The following THSD7B variants were observed in gnomAD, a reference collection of about 807,000 sequenced individuals.
The protein encoded by THSD7B is thrombospondin type 1 domain containing 7B.
THSD7B carries 138 observed loss-of-function variants against 213.6 expected under a neutral mutation model. That is an observed-to-expected ratio of 0.65 (90% CI 0.56 to 0.74). The LOEUF is 0.74. Ranked by LOEUF, THSD7B falls within the 30% of genes least tolerant of loss-of-function variation. The pLI is 0.00. For synonymous variants in THSD7B, 742 were observed against 687.0 expected, an observed-to-expected ratio of 1.08 and a Z score of -1.25; for missense variants, 1,931 against 1,991.5, an observed-to-expected ratio of 0.97 and a Z score of 0.58.
At chr2:136,781,606 A>G (rs1011511498) in intron 1 of THSD7B, among the ~76,000 whole-genome samples, 6 of 151,780 alleles carry the variant, frequency 4.0e-5, no homozygotes, top group Non-Finnish European at 8.8e-5. Flanking sequence ...ACTTGTCTAT[A>G]TGTCCAGCTC....
intron 1 of THSD7B, among the ~76,000 whole-genome samples, chr2:136,825,293 G>C (rs1682627588): frequency 6.6e-6 from 1 of 152,046 alleles, no homozygotes; most frequent in East Asian, 1.9e-4. Flanking sequence ...TATCTTATAG[G>C]TCTGGAGATT....
rs114419492 is a variant in THSD7B, at chr2:136,927,229, C to G, written c.139+44912C>G. On this transcript the variant is annotated intron_variant, in intron 2 of 27. Coordinates refer to ENST00000409968, the MANE Select transcript of THSD7B (RefSeq NM_001316349.2). The stretch of plus-strand genomic sequence containing the variant: ...CCCACTGTTTCCTGCTTCTCTTTCT[C>G]TCCCTCCCGTTTTTCCCTTATCTCT... Among the ~76,000 whole-genome samples the G allele has an allele frequency of 4.7e-3, 710 of 150,754 alleles. 5 individuals are homozygous for G. The highest frequency in any genetic ancestry group is 6.8e-3 in the Non-Finnish European group (460 of 67,756).
intron 15 of THSD7B, among the ~76,000 whole-genome samples, chr2:137,469,965 G>A (rs1051185898): frequency 6.6e-6 from 1 of 152,154 alleles, no homozygotes; most frequent in African/African-American, 2.4e-5. Flanking sequence ...CAAATGGTTA[G>A]ATTTGGGGGA....
At chr2:137,422,024 A>C (rs908683040) in intron 14 of THSD7B, among the ~76,000 whole-genome samples, 1 of 152,220 alleles carries the variant, frequency 6.6e-6, no homozygotes, top group Non-Finnish European at 1.5e-5. Flanking sequence ...ATATGTTAAG[A>C]GGGCAGTCAT....
At position 137,193,865 on chromosome 2, in the gene THSD7B, T is replaced by C. The variant is rs77020986; in HGVS notation, c.1723+22927T>C. The stretch of plus-strand genomic sequence containing the variant: ...ATGGCAAATCATAGACATAAACTTG[T>C]GCATCCTAGATAATTCTCCTGACTC... On this transcript the variant is annotated intron_variant, in intron 7 of 27. Coordinates refer to ENST00000409968, the MANE Select transcript of THSD7B (RefSeq NM_001316349.2). 1.6e-3 allele frequency among the ~76,000 whole-genome samples: 247 copies of C among 151,228 alleles called. 9 individuals are homozygous for C. The East Asian group carries it at 0.041, about 25-fold the overall frequency.
chr2:137,643,180 G>GTA (rs1682970196), intron 21 of THSD7B, among the ~76,000 whole-genome samples: 1 of 152,114 alleles, frequency 6.6e-6, no homozygotes, highest in Non-Finnish European at 1.5e-5. Flanking sequence ...CAACATCCTA[G>GTA]TATATCACGT....
intron 17 of THSD7B, among the ~76,000 whole-genome samples, chr2:137,574,036 A>G (rs942774321): frequency 1.3e-5 from 2 of 152,112 alleles, no homozygotes; most frequent in African/African-American, 4.8e-5. Context: ...CTCTTTATTA[A>G]TCAACCTATA....
intron 2 of THSD7B, among the ~76,000 whole-genome samples, chr2:137,043,999 A>G (rs1686926903): frequency 6.6e-6 from 1 of 152,114 alleles, no homozygotes; most frequent in South Asian, 2.1e-4. Flanking sequence ...ACGCTCCTCT[A>G]GGGTGTGAGC....
intron 12 of THSD7B, among the ~76,000 whole-genome samples, chr2:137,359,820 T>C (rs774562834): frequency 1.3e-5 from 2 of 152,228 alleles, no homozygotes; most frequent in Non-Finnish European, 2.9e-5. Flanking sequence ...GCTATACTTA[T>C]CTTGCTGTTC....
intron 3 of THSD7B, among the ~76,000 whole-genome samples, chr2:137,093,389 T>C (rs1483998697): frequency 6.6e-6 from 1 of 152,208 alleles, no homozygotes; most frequent in Non-Finnish European, 1.5e-5. Context: ...ATTTGTAGCA[T>C]TTGCCAATTT....
intron 2 of THSD7B, among the ~76,000 whole-genome samples, chr2:137,026,851 T>TA (rs140602667): frequency 0.072 from 10,965 of 152,268 alleles, 431 homozygotes; most frequent in East Asian, 0.15. Flanking sequence ...TTGTCCTTTT[T>TA]ATCTCGGCAG....
chr2:137,213,072 A>G (rs12987197), intron 7 of THSD7B, among the ~76,000 whole-genome samples: 4,559 of 150,174 alleles, frequency 0.03, 98 homozygotes, highest in Non-Finnish European at 0.054. Context: ...GTTGTCAGGT[A>G]TGTAATATTT....
intron 1 of THSD7B, among the ~76,000 whole-genome samples, chr2:136,877,773 A>G (rs1683547682): frequency 6.6e-6 from 1 of 152,142 alleles, no homozygotes; most frequent in Non-Finnish European, 1.5e-5. Context: ...TGTATTTATA[A>G]GGACTCCTGA....
rs113460333 is a variant in THSD7B, at chr2:137,346,950, C to T, written c.2501-58663C>T. ...ATTATTTCAAATAAATACATAGAAG[C>T]GGAATTGCTGGATCATATAGTTCTA... On this transcript the variant is annotated intron_variant, in intron 12 of 27. Transcript: ENST00000409968. Among the ~76,000 whole-genome samples the T allele has an allele frequency of 9.0e-3, 1,364 of 151,618 alleles. 24 individuals carry two copies. The highest frequency in any genetic ancestry group is 0.031 in the African/African-American group (1,280 of 41,428).
chr2:136,915,796 G>A (rs1051543289), intron 2 of THSD7B, among the ~76,000 whole-genome samples: 24 of 152,176 alleles, frequency 1.6e-4, no homozygotes, highest in African/African-American at 5.8e-4. Flanking sequence ...TGTACAGTAA[G>A]TCCTTGACAG....
At chr2:137,424,876 C>G (rs1021843757) in intron 14 of THSD7B, among the ~76,000 whole-genome samples, 2 of 151,924 alleles carry the variant, frequency 1.3e-5, no homozygotes, top group African/African-American at 4.8e-5. Flanking sequence ...TCGAGACCAT[C>G]CTGGCTAAGA....
chr2:137,461,590 C>T (rs1290881954), intron 15 of THSD7B, among the ~76,000 whole-genome samples: 2 of 152,084 alleles, frequency 1.3e-5, no homozygotes, highest in Non-Finnish European at 2.9e-5. Context: ...TCCTTCCCTC[C>T]TCCCCTCCTC....
chr2:137,177,512 T>G (rs2105001844), intron 7 of THSD7B, among the ~76,000 whole-genome samples: 1 of 152,300 alleles, frequency 6.6e-6, no homozygotes, highest in Middle Eastern at 3.4e-3. Context: ...CTAGTAGGCA[T>G]CAGAATCACC....
rs942550803 is a variant in THSD7B at position 137,474,893 on chromosome 2, G to A, written c.3138+23870G>A. ...TCCTTGATCAATGATAGCCATTATC[G>A]TAATGTTTATAAATCATTTTAAATG... On this transcript the variant is annotated intron_variant, in intron 15 of 27. Coordinates refer to ENST00000409968, the MANE Select transcript of THSD7B (RefSeq NM_001316349.2). 5.3e-5 allele frequency among the ~76,000 whole-genome samples: 8 copies of A among 152,196 alleles called. No individual in the cohort carries two copies. In the East Asian group the frequency reaches 7.7e-4, roughly 15 times the overall value.
Sources: gnomAD v4.1 joint callset for allele counts (sites outside exome capture counted in the v4.1 genomes callset) on GRCh38, gnomAD v4.1.1 for gene constraint, MANE v1.5 for transcripts, NCBI Gene and HGNC (gene_info 2026-07-23, HGNC 2026-07-21) for gene names.